The following MAGI2 variants were observed in gnomAD, a reference collection of about 807,000 sequenced individuals.
MAGI2 encodes the protein membrane-associated guanylate kinase, WW and PDZ domain-containing protein 2.
A neutral mutation model predicts 133.3 loss-of-function variants in MAGI2; 35 were observed. The ratio of observed to expected loss-of-function variants is 0.26; its 90% CI spans 0.20 to 0.35. The LOEUF (loss-of-function observed/expected upper bound fraction) is 0.35. Among genes scored for constraint, MAGI2 ranks in the 10% least tolerant of loss-of-function variants. The pLI is 1.00. For synonymous variants in MAGI2, 729 were observed against 710.6 expected (o/e 1.03, Z -0.41); for missense variants, 1,636 against 1,863.4 (o/e 0.88, Z 2.25).
intron 1 of MAGI2, among the ~76,000 whole-genome samples, chr7:79,439,432 C>A (rs1006766056): frequency 3.3e-5 from 5 of 151,748 alleles, no homozygotes; most frequent in African/African-American, 1.2e-4. Context: ...CCAATTAAGT[C>A]TTCAGACTCC....
At chr7:79,241,735 G>C (rs1832433886) in intron 1 of MAGI2, among the ~76,000 whole-genome samples, 1 of 152,094 alleles carries the variant, frequency 6.6e-6, no homozygotes, top group Non-Finnish European at 1.5e-5. Flanking sequence ...CACAAGATTT[G>C]TGACTCTCCC....
chr7:79,325,239 C>T (rs773704612), intron 1 of MAGI2, among the ~76,000 whole-genome samples: 1 of 152,020 alleles, frequency 6.6e-6, no homozygotes, highest in Non-Finnish European at 1.5e-5. Flanking sequence ...AGCCCCTAAC[C>T]CTCCACTCCC....
At position 78,291,718 on chromosome 7, in the gene MAGI2, A is replaced by C. The variant is rs1465945977; in HGVS notation, c.1409-35137T>G. 6.6e-5 allele frequency among the ~76,000 whole-genome samples: 10 copies of C among 152,354 alleles called. No individual in the cohort carries two copies. The East Asian group carries it at 1.9e-3, about 29-fold the overall frequency. On this transcript the variant is annotated intron_variant, in intron 9 of 21. Coordinates refer to ENST00000354212, the MANE Select transcript of MAGI2 (RefSeq NM_012301.4). ...GGCAAACCGAATCCAGCAGCACATC[A>C]AGAAGCTTCTCCACCATGATCAAGT...
intron 2 of MAGI2, among the ~76,000 whole-genome samples, chr7:78,693,347 C>T (rs1325957012): frequency 6.6e-6 from 1 of 152,114 alleles, no homozygotes; most frequent in Non-Finnish European, 1.5e-5. Flanking sequence ...ATTTTCTCTA[C>T]TCCCCTTGGG....
intron 1 of MAGI2, among the ~76,000 whole-genome samples, chr7:79,021,438 G>A (rs913223966): frequency 3.3e-5 from 5 of 152,216 alleles, no homozygotes; most frequent in African/African-American, 9.6e-5. Context: ...AGCTGCCAAA[G>A]GCCATGTGAG....
At chr7:78,906,266 C>A (rs1013688299) in intron 2 of MAGI2, among the ~76,000 whole-genome samples, 2 of 152,166 alleles carry the variant, frequency 1.3e-5, no homozygotes, top group Non-Finnish European at 2.9e-5. Context: ...ATTCTGTCAC[C>A]GCTAGAAAAG....
intron 1 of MAGI2, among the ~76,000 whole-genome samples, chr7:79,112,990 A>G (rs990717915): frequency 6.6e-6 from 1 of 152,248 alleles, no homozygotes; most frequent in African/African-American, 2.4e-5. Context: ...AATTAAAAAA[A>G]TAATTTTTAG....
chr7:79,430,283 A>G (rs1847687516), intron 1 of MAGI2, among the ~76,000 whole-genome samples: 1 of 152,092 alleles, frequency 6.6e-6, no homozygotes, highest in African/African-American at 2.4e-5. Context: ...ACCCTTCACA[A>G]TTATAGCTAC....
intron 2 of MAGI2, among the ~76,000 whole-genome samples, chr7:78,635,893 A>G (rs1381888942): frequency 1.3e-5 from 2 of 152,208 alleles, no homozygotes; most frequent in East Asian, 3.9e-4. Context: ...GTTTTATTAT[A>G]CTCATTTTCA....
intron 1 of MAGI2, among the ~76,000 whole-genome samples, chr7:79,232,710 G>A (rs1180776226): frequency 1.5e-5 from 2 of 132,224 alleles, no homozygotes; most frequent in Admixed American, 1.6e-4. Flanking sequence ...CTGGCTAGCG[G>A]TCTATCAATT....
At chr7:78,714,609 T>G (rs1423174886) in intron 2 of MAGI2, among the ~76,000 whole-genome samples, 1 of 152,230 alleles carries the variant, frequency 6.6e-6, no homozygotes, top group Non-Finnish European at 1.5e-5. Context: ...TCATTTCCTG[T>G]GTACCAGGGA....
At position 78,283,727 on chromosome 7, in the gene MAGI2, C is replaced by A. The variant is rs1414155622; in HGVS notation, c.1409-27146G>T. Among the ~76,000 whole-genome samples the A allele has an allele frequency of 2.6e-5, 4 of 152,118 alleles. No homozygotes were observed. In the East Asian group the frequency reaches 7.7e-4, roughly 29 times the overall value. Reference sequence around the variant, plus strand: ...TCAGGTAACTGATAAAGTAATGGATCAGTCATCTATAGAATACATGCCTAT... The same window carrying A: ...TCAGGTAACTGATAAAGTAATGGATAAGTCATCTATAGAATACATGCCTAT... On this transcript the variant is annotated intron_variant, in intron 9 of 21. Transcript: ENST00000354212.
At chr7:79,405,997 T>C (rs2129167291) in intron 1 of MAGI2, among the ~76,000 whole-genome samples, 1 of 151,652 alleles carries the variant, frequency 6.6e-6, no homozygotes, top group Middle Eastern at 3.4e-3. Flanking sequence ...CCAAATCATG[T>C]TGAGGATAAA....
At chr7:78,610,838 C>T (rs1268167336) in intron 3 of MAGI2, among the ~76,000 whole-genome samples, 1 of 152,064 alleles carries the variant, frequency 6.6e-6, no homozygotes, top group African/African-American at 2.4e-5. Flanking sequence ...AAGAGCAAAG[C>T]GAGTCATCCC....
In MAGI2 at chr7:78,330,555, C is replaced by T. The variant is rs377694334; in HGVS notation, c.1408+13223G>A. On this transcript the variant is annotated intron_variant, in intron 9 of 21. Transcript: ENST00000354212. ...TGGCGTGAACCCCAGGGGGCGGAGC[C>T]TGCAGTGAGCCGAGATTGCGCCACT... Among the ~76,000 whole-genome samples, 4 of 31,932 alleles carry T rather than the reference C, an allele frequency of 1.3e-4. 1 individual carries two copies. Among genetic ancestry groups the T allele is most frequent in the Admixed American group, 6.3e-4 (2 of 3,152 alleles). The allele number at this position is 31,932 out of a possible 152,430, so 20.9% of individuals were successfully genotyped here.
chr7:78,805,011 C>A (rs1035347125), intron 2 of MAGI2, among the ~76,000 whole-genome samples: 11 of 149,592 alleles, frequency 7.4e-5, no homozygotes, highest in African/African-American at 2.7e-4. Flanking sequence ...GAGGTTGCAG[C>A]GAGCCAAGAT....
intron 1 of MAGI2, among the ~76,000 whole-genome samples, chr7:79,067,828 T>C (rs1390381687): frequency 1.3e-5 from 2 of 152,236 alleles, no homozygotes; most frequent in East Asian, 3.8e-4. Context: ...CTGTTGAATT[T>C]TGTCAAAGGC....
At chr7:79,279,631 G>A (rs952900984) in intron 1 of MAGI2, among the ~76,000 whole-genome samples, 2 of 152,100 alleles carry the variant, frequency 1.3e-5, no homozygotes, top group African/African-American at 2.4e-5. Flanking sequence ...ATTGAGCTAC[G>A]GCACTCCAGC....
intron 1 of MAGI2, among the ~76,000 whole-genome samples, chr7:79,028,810 A>G (rs754755867): frequency 6.6e-6 from 1 of 152,110 alleles, no homozygotes; most frequent in African/African-American, 2.4e-5. Context: ...ACATTACTAT[A>G]TATTTTTTAT....
Sources: gnomAD v4.1 joint callset for allele counts (sites outside exome capture counted in the v4.1 genomes callset) on GRCh38, gnomAD v4.1.1 for gene constraint, MANE v1.5 for transcripts, NCBI Gene and HGNC (gene_info 2026-07-23, HGNC 2026-07-21) for gene names.